The following AGBL1 variants were observed in gnomAD, a reference collection of about 807,000 sequenced individuals.
AGBL1 encodes the protein AGBL carboxypeptidase 1.
In AGBL1, 130 loss-of-function variants were observed where a neutral mutation model predicts 118.9. That is an observed-to-expected ratio of 1.09 (90% CI 0.95 to 1.26). The LOEUF (loss-of-function observed/expected upper bound fraction) is 1.26. Ranked by LOEUF, AGBL1 falls within the 50% of genes most tolerant of loss-of-function variation. The probability of loss-of-function intolerance (pLI) is 0.00; values close to 1 mark genes in which losing one functional copy is unlikely to be tolerated. For synonymous variants in AGBL1, 555 were observed against 478.9 expected, an observed-to-expected ratio of 1.16 and a Z score of -2.08; for missense variants, 1,584 against 1,298.1, an observed-to-expected ratio of 1.22 and a Z score of -3.38.
intron 11 of AGBL1, among the ~76,000 whole-genome samples, chr15:86,266,124 C>T (rs1029533510): frequency 6.6e-6 from 1 of 152,228 alleles, no homozygotes; most frequent in Admixed American, 6.5e-5. Context: ...CAAGAATTCT[C>T]TAACTGAAAT....
At chr15:86,249,536 A>G (rs556119027) in intron 7 of AGBL1, among the ~76,000 whole-genome samples, 6 of 152,162 alleles carry the variant, frequency 3.9e-5, no homozygotes, top group Admixed American at 1.3e-4. Context: ...TTTACCTTCT[A>G]TTTCTCGACA....
At chr15:86,364,798 G>T (rs1427251081) in intron 17 of AGBL1, among the ~76,000 whole-genome samples, 2 of 151,178 alleles carry the variant, frequency 1.3e-5, no homozygotes, top group Admixed American at 1.3e-4. Context: ...CCTACAACCT[G>T]GTAGGGTCTT....
At chr15:86,212,112 T>G (rs1656286545) in intron 5 of AGBL1, among the ~76,000 whole-genome samples, 1 of 152,236 alleles carries the variant, frequency 6.6e-6, no homozygotes, top group South Asian at 2.1e-4. Context: ...ATATTTAAGT[T>G]TAGCAGACAA....
intron 17 of AGBL1, among the ~76,000 whole-genome samples, chr15:86,333,527 T>C (rs2141867394): frequency 6.6e-6 from 1 of 152,186 alleles, no homozygotes; most frequent in East Asian, 1.9e-4. Context: ...GTTCCAAAAA[T>C]TAATCAGTAA....
At chr15:86,574,570 A>ATTTTTTTT (rs776642678) in intron 21 of AGBL1, among the ~76,000 whole-genome samples, 323 of 83,690 alleles carry the variant, frequency 3.9e-3, no homozygotes, top group Middle Eastern at 0.01. Flanking sequence ...AAAAGTTTTA[A>ATTTTTTTT]TTTTTTTTTT....
chr15:86,688,801 T>C (rs1218027911), intron 22 of AGBL1, among the ~76,000 whole-genome samples: 1 of 152,158 alleles, frequency 6.6e-6, no homozygotes, highest in African/African-American at 2.4e-5. Flanking sequence ...TGCATAAAAC[T>C]ATCACCACAA....
intron 17 of AGBL1, among the ~76,000 whole-genome samples, chr15:86,316,244 G>T (rs138583308): frequency 6.6e-6 from 1 of 152,276 alleles, no homozygotes; most frequent in East Asian, 1.9e-4. Context: ...CTCTGTTTCC[G>T]AGTTGAAATA....
chr15:86,197,966 A>G (rs1342009899), intron 5 of AGBL1, among the ~76,000 whole-genome samples: 1 of 152,044 alleles, frequency 6.6e-6, no homozygotes, highest in Non-Finnish European at 1.5e-5. Flanking sequence ...ATCACAGCCC[A>G]GAGTATACAG....
intron 17 of AGBL1, among the ~76,000 whole-genome samples, chr15:86,363,384 A>G (rs2080835421): frequency 6.6e-6 from 1 of 152,112 alleles, no homozygotes; most frequent in Non-Finnish European, 1.5e-5. Context: ...TCTGGTTTAA[A>G]AAATTTCTCA....
intron 6 of AGBL1, among the ~76,000 whole-genome samples, chr15:86,246,903 G>T (rs11435392): frequency 0.33 from 27,625 of 84,076 alleles, 3,780 homozygotes; most frequent in African/African-American, 0.56. Flanking sequence ...GACAACCTCC[G>T]GGTCCACTGA....
intron 18 of AGBL1, among the ~76,000 whole-genome samples, chr15:86,408,680 G>C (rs995209097): frequency 1.3e-5 from 2 of 152,216 alleles, no homozygotes; most frequent in African/African-American, 4.8e-5. Flanking sequence ...AGCAGAGGTT[G>C]AGTGTTTGGA....
At chr15:86,309,917 T>G (rs1215551012) in intron 17 of AGBL1, among the ~76,000 whole-genome samples, 1 of 152,232 alleles carries the variant, frequency 6.6e-6, no homozygotes, top group Non-Finnish European at 1.5e-5. Flanking sequence ...CTGTCTAGCT[T>G]CAGTCATAGA....
intron 18 of AGBL1, among the ~76,000 whole-genome samples, chr15:86,503,538 A>C (rs1048772542): frequency 6.6e-6 from 1 of 150,876 alleles, no homozygotes; most frequent in Non-Finnish European, 1.5e-5. Flanking sequence ...TGTGATTGTT[A>C]TGTTTTAAAA....
chr15:86,919,954 G>C (rs991756793), downstream of AGBL1, among the ~76,000 whole-genome samples: 2 of 152,140 alleles, frequency 1.3e-5, no homozygotes, highest in Non-Finnish European at 2.9e-5. Flanking sequence ...CAGGCTCATG[G>C]GGGAGGGATA....
intron 22 of AGBL1, among the ~76,000 whole-genome samples, chr15:86,801,335 A>ATCTATCTG (rs1436947755): frequency 6.6e-6 from 1 of 151,510 alleles, no homozygotes; most frequent in Non-Finnish European, 1.5e-5. Flanking sequence ...CTATCTATCT[A>ATCTATCTG]TCTATCTATC....
At chr15:86,556,760 T>C (rs575918992) in intron 21 of AGBL1, among the ~76,000 whole-genome samples, 1 of 152,218 alleles carries the variant, frequency 6.6e-6, no homozygotes, top group Non-Finnish European at 1.5e-5. Flanking sequence ...CATCTTTCCA[T>C]TTTTTGTTTA....
chr15:86,086,895 G>T (rs891424536), intron 1 of AGBL1, among the ~76,000 whole-genome samples: 16 of 152,164 alleles, frequency 1.1e-4, no homozygotes, highest in Non-Finnish European at 2.2e-4. Context: ...CCAATTTGGG[G>T]CTATAATGAA....
chr15:86,958,667 T>C (rs892303025), intron 23 of AGBL1, among the ~76,000 whole-genome samples: 1 of 152,108 alleles, frequency 6.6e-6, no homozygotes, highest in Non-Finnish European at 1.5e-5. Flanking sequence ...CAATATATAA[T>C]TTTTTATCAG....
intron 18 of AGBL1, among the ~76,000 whole-genome samples, chr15:86,451,720 G>A (rs1214787865): frequency 3.3e-5 from 5 of 152,036 alleles, no homozygotes; most frequent in Non-Finnish European, 5.9e-5. Context: ...CCTTCTCAAT[G>A]TCTTTTCCAT....
Sources: allele counts gnomAD v4.1 joint callset (sites outside exome capture counted in the v4.1 genomes callset), GRCh38; gene constraint gnomAD v4.1.1; transcripts MANE v1.5; gene names NCBI Gene and HGNC (gene_info 2026-07-23, HGNC 2026-07-21).